PRKCH: variants seen among roughly 807,000 people sequenced by gnomAD.
PRKCH encodes the protein protein kinase C eta type.
In PRKCH, 28 loss-of-function variants were observed where a neutral mutation model predicts 82.5. That is an observed-to-expected ratio of 0.34 (90% CI 0.25 to 0.47). The LOEUF (loss-of-function observed/expected upper bound fraction) is 0.47. Among genes scored for constraint, PRKCH ranks in the 20% least tolerant of loss-of-function variants. PRKCH has a pLI of 1.00. For synonymous variants in PRKCH, 322 were observed against 327.4 expected (o/e 0.98, Z 0.18); for missense variants, 705 against 881.8 (o/e 0.80, Z 2.54).
At chr14:61,395,895 C>T (rs941631969) in intron 2 of PRKCH, among the ~76,000 whole-genome samples, 1 of 151,922 alleles carries the variant, frequency 6.6e-6, no homozygotes, top group Non-Finnish European at 1.5e-5. Context: ...GCCTGGGCAA[C>T]ATGGTGAAAC....
intron 2 of PRKCH, among the ~76,000 whole-genome samples, chr14:61,422,677 C>T (rs140396440): frequency 3.2e-4 from 49 of 152,290 alleles, no homozygotes; most frequent in Non-Finnish European, 2.2e-4. Flanking sequence ...GTATTTTAAC[C>T]GTCTAGTTGT....
chr14:61,383,943 C>G (rs970097462), intron 1 of PRKCH, among the ~76,000 whole-genome samples: 2 of 152,030 alleles, frequency 1.3e-5, no homozygotes, highest in Non-Finnish European at 2.9e-5. Context: ...GTCCTGAAAG[C>G]CAGGTGGAGC....
At chr14:61,218,060 C>T (rs1354234940) in intron 1 of PRKCH, among the ~76,000 whole-genome samples, 3 of 152,112 alleles carry the variant, frequency 2.0e-5, no homozygotes. Context: ...CGTTTCGTTC[C>T]CCAGCATGCT....
chr14:61,300,598 T>TAA (rs1312483750), intron 1 of PRKCH, among the ~76,000 whole-genome samples: 1 of 152,146 alleles, frequency 6.6e-6, no homozygotes, highest in Non-Finnish European at 1.5e-5. Context: ...ATATAGGAGT[T>TAA]AAAGAGAAAT....
At chr14:61,547,594 G>A (rs1268717841) in intron 12 of PRKCH, 149 bp from the exon 13 acceptor site, 4 of 930,100 alleles carry the variant, frequency 4.3e-6, no homozygotes, top group Non-Finnish European at 6.4e-6. Flanking sequence ...CATACTGACT[G>A]TGCTGCCTGT....
At chr14:61,226,650 A>G (rs1290550071) in intron 1 of PRKCH, among the ~76,000 whole-genome samples, 2 of 152,230 alleles carry the variant, frequency 1.3e-5, no homozygotes, top group East Asian at 3.8e-4. Flanking sequence ...TCCACAAAGC[A>G]TTGTATTTGG....
At chr14:61,361,455 T>G (rs1326583675) in intron 1 of PRKCH, among the ~76,000 whole-genome samples, 1 of 152,248 alleles carries the variant, frequency 6.6e-6, no homozygotes, top group Non-Finnish European at 1.5e-5. Context: ...AACCTTTTAT[T>G]TACCAATGAA....
chr14:61,279,389 G>A (rs1023025917), intron 1 of PRKCH: 2 of 152,146 alleles, frequency 1.3e-5, no homozygotes, highest in East Asian at 1.9e-4. Context: ...ATTACTATCC[G>A]AAAAAGTGAA....
intron 10 of PRKCH, among the ~76,000 whole-genome samples, chr14:61,528,521 C>T (rs575454491): frequency 1.2e-3 from 190 of 152,268 alleles, no homozygotes; most frequent in African/African-American, 4.4e-3. Flanking sequence ...GGCATAATGG[C>T]GCCAGGCATA....
At chr14:61,535,985 G>A (rs77469063) in intron 12 of PRKCH, among the ~76,000 whole-genome samples, 5 of 152,206 alleles carry the variant, frequency 3.3e-5, no homozygotes, top group Admixed American at 6.5e-5. Context: ...CAAGCTCAGC[G>A]TGTGTGTATG....
At chr14:61,464,146 C>T (rs912748832) in intron 9 of PRKCH, among the ~76,000 whole-genome samples, 17 of 152,146 alleles carry the variant, frequency 1.1e-4, no homozygotes, top group Non-Finnish European at 1.5e-5. Flanking sequence ...GCCTCCATAC[C>T]GTTTTCCAAA....
chr14:61,325,968 G>C (rs908637373), intron 1 of PRKCH, among the ~76,000 whole-genome samples: 1 of 152,198 alleles, frequency 6.6e-6, no homozygotes, highest in African/African-American at 2.4e-5. Context: ...CCAAGTGTTG[G>C]TGAGGAAGTG....
At chr14:61,242,539 A>G (rs1594869925) in intron 1 of PRKCH, among the ~76,000 whole-genome samples, 1 of 152,298 alleles carries the variant, frequency 6.6e-6, no homozygotes, top group South Asian at 2.1e-4. Flanking sequence ...CTGGGATTAC[A>G]GGCGTCTGCC....
In PRKCH at chr14:61,502,920, C is replaced by T. The variant is rs955798280; in HGVS notation, c.1433+17264C>T. The stretch of plus-strand genomic sequence containing the variant: ...CACTGAGTCATGGAATTCACCCTTT[C>T]GAGCCCTTCCTGGGGGATGTGTGGC... On this transcript the variant is annotated intron_variant, in intron 10 of 13. Transcript: ENST00000332981. Among the ~76,000 whole-genome samples the T allele has an allele frequency of 6.6e-5, 10 of 150,794 alleles. 1 individual carries two copies. The highest frequency in any genetic ancestry group is 9.8e-5 in the African/African-American group (4 of 40,922).
At chr14:61,501,853 T>C (rs1418249643) in intron 10 of PRKCH, among the ~76,000 whole-genome samples, 1 of 152,136 alleles carries the variant, frequency 6.6e-6, no homozygotes, top group African/African-American at 2.4e-5. Flanking sequence ...TCTCAATTCC[T>C]CTTCCTCAAG....
At chr14:61,432,582 G>C (rs2140261923) in intron 2 of PRKCH, among the ~76,000 whole-genome samples, 1 of 152,242 alleles carries the variant, frequency 6.6e-6, no homozygotes, top group Middle Eastern at 3.4e-3. Flanking sequence ...CAGTCCTCCT[G>C]CCTTGGCCTC....
chr14:61,449,362 C>G, intron 5 of PRKCH, 110 bp downstream of exon 5: 1 of 908,946 alleles, frequency 1.1e-6, no homozygotes, highest in South Asian at 1.5e-5. Context: ...TCCTTCTCCC[C>G]GTCCCCAAAC....
At chr14:61,199,412 T>A (rs975377404) in intron 1 of PRKCH, among the ~76,000 whole-genome samples, 1 of 152,350 alleles carries the variant, frequency 6.6e-6, no homozygotes, top group East Asian at 1.9e-4. Context: ...GGCTAAAAAT[T>A]CTAAAATGAA....
chr14:61,309,481 A>C (rs1474216932), intron 1 of PRKCH, among the ~76,000 whole-genome samples: 3 of 152,206 alleles, frequency 2.0e-5, no homozygotes, highest in Non-Finnish European at 2.9e-5. Context: ...ACAATGCTGC[A>C]GGGCTTTGCA....
Sources: gnomAD v4.1 joint callset for allele counts (sites outside exome capture counted in the v4.1 genomes callset) on GRCh38, gnomAD v4.1.1 for gene constraint, MANE v1.5 for transcripts, NCBI Gene and HGNC (gene_info 2026-07-23, HGNC 2026-07-21) for gene names.